Variants in ZZZ3 observed in about 807,000 individuals in gnomAD.
ZZZ3 encodes the protein ZZ-type zinc finger-containing protein 3.
Under a neutral mutation model 95.2 loss-of-function variants are expected in ZZZ3, and 22 were observed. The ratio of observed to expected loss-of-function variants is 0.23; its 90% CI spans 0.17 to 0.33. The LOEUF (loss-of-function observed/expected upper bound fraction) is 0.33, where lower values mean the gene tolerates loss of function less well. Ranked by LOEUF, ZZZ3 falls within the 10% of genes least tolerant of loss-of-function variation. The pLI is 1.00. For missense variants in ZZZ3, 885 were observed against 1,066.5 expected, an observed-to-expected ratio of 0.83 and a Z score of 2.37; for synonymous variants, 335 against 358.9, an observed-to-expected ratio of 0.93 and a Z score of 0.75.
At chr1:77,591,989 C>T (rs1299619542) in intron 5 of ZZZ3, among the ~76,000 whole-genome samples, 1 of 152,078 alleles carries the variant, frequency 6.6e-6, no homozygotes, top group Non-Finnish European at 1.5e-5. Context: ...GGCCAAGGAA[C>T]GTAAGACAAA....
At chr1:77,663,169 C>T (rs1240722955) in intron 1 of ZZZ3, among the ~76,000 whole-genome samples, 1 of 151,648 alleles carries the variant, frequency 6.6e-6, no homozygotes, top group Non-Finnish European at 1.5e-5. Context: ...ACTGGAGAGA[C>T]ATGAAATCAA....
intron 5 of ZZZ3, among the ~76,000 whole-genome samples, chr1:77,602,164 C>T (rs1017952550): frequency 1.3e-5 from 2 of 152,080 alleles, no homozygotes; most frequent in Non-Finnish European, 2.9e-5. Context: ...GTGATTTTTC[C>T]TCAACAAGAG....
intron 5 of ZZZ3, among the ~76,000 whole-genome samples, chr1:77,626,436 A>C (rs533365766): frequency 6.7e-4 from 102 of 152,290 alleles, no homozygotes; most frequent in Non-Finnish European, 1.2e-3. Flanking sequence ...AGACGATCTC[A>C]TCTGGGGGTG....
intron 5 of ZZZ3, among the ~76,000 whole-genome samples, chr1:77,621,661 AT>A (rs1445777696): frequency 6.6e-6 from 1 of 151,250 alleles, no homozygotes; most frequent in Non-Finnish European, 1.5e-5. Context: ...ACAAGAAAAT[AT>A]AAAAATTAGC....
chr1:77,586,425 A>C (rs1663084413), intron 5 of ZZZ3, among the ~76,000 whole-genome samples: 1 of 152,218 alleles, frequency 6.6e-6, no homozygotes, highest in Admixed American at 6.5e-5. Context: ...AAGTAAAAAT[A>C]GGGTTACAAA....
intron 5 of ZZZ3, among the ~76,000 whole-genome samples, chr1:77,604,587 C>T (rs1443828930): frequency 6.6e-6 from 1 of 152,070 alleles, no homozygotes; most frequent in Non-Finnish European, 1.5e-5. Flanking sequence ...CTCAAGCATC[C>T]CCTATGTTCT....
chr1:77,612,140 A>G (rs1665872333), intron 5 of ZZZ3, among the ~76,000 whole-genome samples: 1 of 152,098 alleles, frequency 6.6e-6, no homozygotes, highest in Admixed American at 6.5e-5. Flanking sequence ...AAGGAGTTGA[A>G]CAGATATTTC....
chr1:77,597,926 T>G (rs1664365764), intron 5 of ZZZ3, among the ~76,000 whole-genome samples: 1 of 152,172 alleles, frequency 6.6e-6, no homozygotes, highest in South Asian at 2.1e-4. Flanking sequence ...CATACCATAC[T>G]ACTGTAAGAT....
intron 5 of ZZZ3, among the ~76,000 whole-genome samples, chr1:77,587,560 A>G (rs1037186298): frequency 7.9e-5 from 12 of 152,162 alleles, no homozygotes; most frequent in African/African-American, 1.7e-4. Context: ...CACCGCGCCC[A>G]GCCCTTTGAC....
intron 5 of ZZZ3, among the ~76,000 whole-genome samples, chr1:77,594,759 C>T (rs1664056495): frequency 6.6e-6 from 1 of 151,486 alleles, no homozygotes; most frequent in South Asian, 2.1e-4. Context: ...AGAAGGATAG[C>T]AAATACTATA....
intron 12 of ZZZ3, among the ~76,000 whole-genome samples, chr1:77,573,855 T>C (rs1345712257): frequency 2.6e-5 from 4 of 151,964 alleles, no homozygotes; most frequent in African/African-American, 4.8e-5. Context: ...AAGGAAGATA[T>C]AGGGTGATCT....
chr1:77,581,140 C>A lies in ZZZ3; in HGVS notation c.1909-71G>T, dbSNP rs572173357. On this transcript the variant is annotated intron_variant, in intron 8 of 14. Transcript: ENST00000370801. ...TATCCTTTGATATAGCCAAATAACA[C>A]GCAAATTGTGGAATTTTTAAATTAA... The A allele has an allele frequency of 3.4e-6, 4 of 1,166,492 alleles. No homozygotes were observed. In the South Asian group the frequency reaches 4.0e-5, roughly 12 times the overall value. The allele number at this position is 1,166,492 out of a possible 1,614,324, so 72.3% of individuals were successfully genotyped here.
At chr1:77,631,002 A>T (rs980521793) in intron 5 of ZZZ3, among the ~76,000 whole-genome samples, 5 of 152,196 alleles carry the variant, frequency 3.3e-5, no homozygotes, top group African/African-American at 9.6e-5. Context: ...TCTGTCTTTT[A>T]TTGTTGCTAA....
intron 1 of ZZZ3, among the ~76,000 whole-genome samples, chr1:77,653,058 A>AT (rs1372485131): frequency 6.6e-5 from 10 of 152,170 alleles, no homozygotes; most frequent in Admixed American, 3.3e-4. Context: ...ATAGTTGCAC[A>AT]TGCCTGTAGT....
At chr1:77,638,239 A>G (rs981338644) in intron 4 of ZZZ3, among the ~76,000 whole-genome samples, 3 of 152,194 alleles carry the variant, frequency 2.0e-5, no homozygotes, top group Non-Finnish European at 2.9e-5. Flanking sequence ...CATTCATATT[A>G]AGCCCTCAAT....
chr1:77,626,151 GGTTA>G (rs1441208023), intron 5 of ZZZ3, among the ~76,000 whole-genome samples: 1 of 152,062 alleles, frequency 6.6e-6, no homozygotes, highest in East Asian at 1.9e-4. Flanking sequence ...TTAATGTTTT[GGTTA>G]GTCAATGGCT....
At chr1:77,621,151 T>C (rs570651183) in intron 5 of ZZZ3, among the ~76,000 whole-genome samples, 1 of 152,198 alleles carries the variant, frequency 6.6e-6, no homozygotes, top group Non-Finnish European at 1.5e-5. Context: ...CTAAATAATA[T>C]AAGCATCTTG....
chr1:77,589,412 TTTTATTTA>T (rs71244406), intron 5 of ZZZ3, among the ~76,000 whole-genome samples: 31,340 of 144,384 alleles, frequency 0.22, 3,466 homozygotes, highest in East Asian at 0.32. Context: ...TGGAGGTTGA[TTTTATTTA>T]TTTATTTATT....
intron 6 of ZZZ3, 140 bp from the exon 7 acceptor site, chr1:77,582,266 A>T: frequency 1.5e-6 from 1 of 676,118 alleles, no homozygotes; most frequent in East Asian, 2.9e-5. Flanking sequence ...AATCCAAGAG[A>T]CAATAAAGTT....
Sources: gnomAD v4.1 joint callset for allele counts (sites outside exome capture counted in the v4.1 genomes callset) on GRCh38, gnomAD v4.1.1 for gene constraint, MANE v1.5 for transcripts, NCBI Gene and HGNC (gene_info 2026-07-23, HGNC 2026-07-21) for gene names.